NONO: variants seen among roughly 807,000 people sequenced by gnomAD.
NONO encodes non-POU domain containing octamer binding, also known as non-POU domain-containing octamer-binding protein.
A neutral mutation model predicts 40.2 loss-of-function variants in NONO; 6 were observed. The observed-to-expected ratio is 0.15, with a 90% CI of 0.08 to 0.29. The LOEUF is 0.29. NONO is among the 10% of genes least tolerant of loss of function. NONO has a pLI of 1.00. For synonymous variants in NONO, 89 were observed against 123.3 expected (o/e 0.72, Z 1.85); for missense variants, 133 against 397.8 (o/e 0.33, Z 5.66).
At position 71,288,008 on chromosome X, in the gene NONO, A is replaced by ATT. The variant is rs1198660933; in HGVS notation, c.-9-2603_-9-2602dup. Among the ~76,000 whole-genome samples, 629 of 71,925 alleles carry ATT rather than the reference A, an allele frequency of 8.7e-3. 5 individuals are homozygous for ATT. The highest frequency in any genetic ancestry group is 0.056 in the Middle Eastern group (5 of 89). The allele number at this position is 71,925 out of a possible 115,157, so 62.5% of individuals were successfully genotyped here. On this transcript the variant is annotated intron_variant, in intron 2 of 11. Transcript: ENST00000276079. Reference sequence around the variant, plus strand: ...AGGCCTGAGCCACCATGCTGGCTTCATTTTTTTTTTTTTTTTTTTATTTCA... The same window carrying ATT: ...AGGCCTGAGCCACCATGCTGGCTTCATTTTTTTTTTTTTTTTTTTTTATTTCA...
At position 71,300,378 on chromosome X, in the gene NONO, A is replaced by C. The variant is rs1451216015; in HGVS notation, c.*302A>C. The C allele has an allele frequency of 1.4e-5, 4 of 282,533 alleles. No homozygotes were observed. Among genetic ancestry groups the C allele is most frequent in the African/African-American group, 8.9e-5 (3 of 33,534 alleles). The allele number at this position is 282,533 out of a possible 1,213,427, so 23.3% of individuals were successfully genotyped here. A position where few individuals can be genotyped will look rare whatever the true frequency, so the allele number is the denominator to read the frequency against. ...ATCCAGTTAGAGCCCATTAATCTTG[A>C]TCATTCCGGTTTTTTTTTTTTTTGT... On this transcript the variant is annotated 3_prime_UTR_variant, in exon 12 of 12. Coordinates refer to ENST00000276079, the MANE Select transcript of NONO (RefSeq NM_007363.5).
intron 9 of NONO, chrX:71,298,254 C>G (rs1030650862): frequency 1.1e-5 from 5 of 448,826 alleles, no homozygotes; most frequent in Non-Finnish European, 2.0e-5. Context: ...CCCCCTTTCA[C>G]CTCTCTGTTG....
chrX:71,290,838 A>G, intron 3 of NONO, 47 bp downstream of exon 3: 1 of 1,088,364 alleles, frequency 9.2e-7, no homozygotes, highest in East Asian at 3.4e-5. Context: ...CCCTCTGGGA[A>G]TGGTTTCTTG....
chrX:71,294,500 T>C lies in NONO; in HGVS notation c.622T>C (p.Cys208Arg), dbSNP rs2148035783. ...AGCTGCTCGGAAAGCTCTGGACAGA[T>C]GCAGTGAAGGCTCCTTCCTGCTAAC... ...KPAARKALDRCSEGSFLLTTF... is the reference protein window; with the variant it reads ...KPAARKALDRRSEGSFLLTTF... The change falls in exon 5 of 12, where the codon TGC (cysteine) becomes CGC (arginine). Residue 208 changes from cysteine (C) to arginine (R), a missense_variant. Physicochemically the swap from Cys to Arg is radical, Grantham distance 180. Around this residue, in one of 3 missense-constraint regions of NONO, gnomAD observed 32 missense variants for 206.0 expected, o/e 0.16. Coordinates refer to ENST00000276079, the MANE Select transcript of NONO (RefSeq NM_007363.5). The C allele has an allele frequency of 8.3e-7, 1 of 1,208,892 alleles. No individual in the cohort carries two copies. The highest frequency in any genetic ancestry group is 1.8e-5 in the South Asian group (1 of 56,542).
At chrX:71,296,732 G>A (rs900335874) in intron 6 of NONO, 72 bp downstream of exon 6, 31 of 1,002,895 alleles carry the variant, frequency 3.1e-5, no homozygotes, top group Non-Finnish European at 4.1e-5. Flanking sequence ...ATATGTAAAA[G>A]AGGCAGGTCT....
intron 4 of NONO, 53 bp from the exon 5 acceptor site, chrX:71,294,174 G>A: frequency 8.8e-7 from 1 of 1,133,983 alleles, no homozygotes; most frequent in Non-Finnish European, 1.2e-6. Context: ...GTTGATGGCT[G>A]CTAAGGTGTT....
At chrX:71,294,171 G>T (rs2031386459) in intron 4 of NONO, 56 bp from the exon 5 acceptor site, 2 of 1,112,271 alleles carry the variant, frequency 1.8e-6, no homozygotes, top group African/African-American at 3.6e-5. Context: ...ACTGTTGATG[G>T]CTGCTAAGGT....
intron 9 of NONO, 115 bp downstream of exon 9, chrX:71,298,053 G>A: frequency 4.0e-6 from 2 of 498,325 alleles, no homozygotes; most frequent in South Asian, 3.4e-5. Flanking sequence ...TAACCCTTTA[G>A]AAAAAAGAAT....
chrX:71,301,054 A>G lies in NONO; in HGVS notation c.*978A>G, dbSNP rs1212686562. ...CCTATCTTAGGTAGTCATGCTGTGC[A>G]TTTTTTTTTTCATTGGTGTACTGTG... is the stretch of plus-strand genomic sequence containing the variant. On this transcript the variant is annotated 3_prime_UTR_variant, in exon 12 of 12. Transcript: ENST00000276079. 2 of 135,745 alleles carry G rather than the reference A, an allele frequency of 1.5e-5. No individual in the cohort carries two copies. Among genetic ancestry groups the G allele is most frequent in the East Asian group, 1.2e-4 (1 of 8,446 alleles). 11.2% of individuals were successfully genotyped at this position (135,745 alleles called of 1,213,427 possible).
In NONO at chrX:71,296,551, GTTCT is replaced by G. The variant is rs1238454250; in HGVS notation, c.651-8_651-5del. 2.6e-6 allele frequency: 3 copies of G among 1,158,673 alleles called. No homozygotes were observed. The highest frequency in any genetic ancestry group is 3.0e-5 in the East Asian group (1 of 33,519). ...TATGATTTGATTAACACTGAACTTT[GTTCT>G]TTCTTCCAGATTTCCTCGTCCTGTG... On this transcript the variant is annotated splice_polypyrimidine_tract_variant and intron_variant, in intron 5 of 11. Transcript: ENST00000276079.
In NONO at chrX:71,294,457, T is replaced by G; in HGVS notation, c.579T>G (p.Val193=). The change falls in exon 5 of 12, where the codon GTT becomes GTG. Residue 193 remains valine, a synonymous_variant. Transcript: ENST00000276079. ...DRGRPSGKGI[V]EFSGKPAARK... is the part of the protein sequence containing the mutation. ...GAAGGCCCTCAGGAAAAGGCATTGT[T>G]GAGTTCTCAGGGAAGCCAGCTGCTC... is the stretch of plus-strand genomic sequence containing the variant. The G allele has an allele frequency of 8.3e-7, 1 of 1,211,861 alleles. No individual in the cohort carries two copies. The highest frequency in any genetic ancestry group is 1.1e-6 in the Non-Finnish European group (1 of 895,476).
chrX:71,285,684 ACT>A (rs1417264988), intron 2 of NONO, among the ~76,000 whole-genome samples: 2 of 111,845 alleles, frequency 1.8e-5, no homozygotes, highest in African/African-American at 3.2e-5. Flanking sequence ...AAATGAGGAA[ACT>A]CTGAATATAC....
intron 2 of NONO, among the ~76,000 whole-genome samples, chrX:71,286,207 AAC>A (rs2031185335): frequency 1.8e-5 from 2 of 112,038 alleles, no homozygotes; most frequent in African/African-American, 6.5e-5. Flanking sequence ...ATTAATGAGA[AAC>A]AAAATTGATT....
At chrX:71,287,865 C>CTTT (rs748090354) in intron 2 of NONO, among the ~76,000 whole-genome samples, 6 of 87,273 alleles carry the variant, frequency 6.9e-5, no homozygotes, top group African/African-American at 2.8e-4. Flanking sequence ...CCCCCCTACC[C>CTTT]TTTTTTTTTT....
Position 71,293,960 on chromosome X carries a change from T to C in NONO, c.349-267T>C, listed in dbSNP as rs188613692. On this transcript the variant is annotated intron_variant, in intron 4 of 11. Coordinates refer to ENST00000276079, the MANE Select transcript of NONO (RefSeq NM_007363.5). ...TCTTTGTTTTCTGGATGATCTGTTG[T>C]CATTGGGAGAATAATACCTATGAAA... 1.5e-4 allele frequency: 52 copies of C among 350,428 alleles called. No homozygotes were observed. The East Asian group carries it at 1.9e-3, about 13-fold the overall frequency. The allele number at this position is 350,428 out of a possible 1,213,427, so 28.9% of individuals were successfully genotyped here. A position where few individuals can be genotyped will look rare whatever the true frequency, so the allele number is the denominator to read the frequency against.
intron 8 of NONO, 80 bp downstream of exon 8, chrX:71,297,541 C>T (rs2031480321): frequency 2.8e-6 from 2 of 715,714 alleles, no homozygotes; most frequent in Non-Finnish European, 4.2e-6. Context: ...CATGCTACCT[C>T]GTGTATTTAT....
At chrX:71,296,345 C>T (rs987788088) in intron 5 of NONO, among the ~76,000 whole-genome samples, 1 of 110,472 alleles carries the variant, frequency 9.1e-6, no homozygotes, top group African/African-American at 3.3e-5. Context: ...AACTCCTGAC[C>T]TCATGATTCA....
intron 4 of NONO, chrX:71,293,015 T>G (rs1398646482): frequency 8.9e-6 from 1 of 112,584 alleles, no homozygotes; most frequent in East Asian, 2.8e-4. Flanking sequence ...TAACCGTTTG[T>G]AAGTGTAGAC....
intron 2 of NONO, among the ~76,000 whole-genome samples, chrX:71,287,838 T>TG (rs1453326842): frequency 9.6e-6 from 1 of 104,078 alleles, no homozygotes; most frequent in Non-Finnish European, 2.0e-5. Context: ...CATGAGCCAC[T>TG]GCACCTGGCC....
Sources: gnomAD v4.1 joint callset for allele counts (sites outside exome capture counted in the v4.1 genomes callset) on GRCh38, gnomAD v4.1.1 for gene constraint, gnomAD v4.1.1 regional missense constraint, MANE v1.5 for transcripts, NCBI Gene and HGNC (gene_info 2026-07-23, HGNC 2026-07-21) for gene names.